SPINT2: variants seen among roughly 807,000 people sequenced by gnomAD.
The protein encoded by SPINT2 is kunitz-type protease inhibitor 2.
SPINT2 carries 18 observed loss-of-function variants against 30.1 expected under a neutral mutation model. The observed-to-expected ratio is 0.60, with a 90% CI of 0.41 to 0.89. The LOEUF (loss-of-function observed/expected upper bound fraction) is 0.89. Among genes scored for constraint, SPINT2 ranks in the 40% least tolerant of loss-of-function variants. The pLI, the probability that SPINT2 is intolerant of heterozygous loss-of-function variation, is 0.00. For synonymous variants in SPINT2, 139 were observed against 137.9 expected (o/e 1.01, Z -0.05); for missense variants, 276 against 334.3 (o/e 0.83, Z 1.36).
At chr19:38,291,548 A>G in intron 6 of SPINT2, 1 of 396,364 alleles carries the variant, frequency 2.5e-6, no homozygotes, top group Non-Finnish European at 4.7e-6. Flanking sequence ...TTGCCCTGAG[A>G]GTTGGGTTTT....
intron 1 of SPINT2, among the ~76,000 whole-genome samples, chr19:38,276,246 G>A (rs1237410641): frequency 6.6e-6 from 1 of 152,186 alleles, no homozygotes; most frequent in Non-Finnish European, 1.5e-5. Flanking sequence ...TTCCTGTCCT[G>A]CACGTGGTGA....
intron 1 of SPINT2, among the ~76,000 whole-genome samples, chr19:38,269,331 G>GTTGATTC (rs1968420448): frequency 6.8e-6 from 1 of 146,464 alleles, no homozygotes; most frequent in Admixed American, 6.8e-5. Context: ...AAGGTCCTTT[G>GTTGATTC]TTGATTCTTC....
In SPINT2 at chr19:38,267,174, G is replaced by A. The variant is rs531368351; in HGVS notation, c.106+2176G>A. On this transcript the variant is annotated intron_variant, in intron 1 of 6. Coordinates refer to ENST00000301244, the MANE Select transcript of SPINT2 (RefSeq NM_021102.4). ...GACTGGACCTACTGACCTTTCAGAAGTACTAGTGTCTGACTGGGTGAACTC... is the reference window on the plus strand; with the variant it reads ...GACTGGACCTACTGACCTTTCAGAAATACTAGTGTCTGACTGGGTGAACTC... Among the ~76,000 whole-genome samples, 4 of 152,330 alleles carry A rather than the reference G, an allele frequency of 2.6e-5. No homozygotes were observed. The South Asian group carries it at 8.3e-4, about 32-fold the overall frequency.
At chr19:38,286,705 C>G (rs1263567356) in intron 2 of SPINT2, among the ~76,000 whole-genome samples, 1 of 152,138 alleles carries the variant, frequency 6.6e-6, no homozygotes, top group East Asian at 1.9e-4. Context: ...ATGGTGTGAA[C>G]CCGGGAGGTG....
intron 1 of SPINT2, among the ~76,000 whole-genome samples, chr19:38,281,187 C>T (rs1190512662): frequency 6.6e-6 from 1 of 152,104 alleles, no homozygotes; most frequent in Non-Finnish European, 1.5e-5. Context: ...GTTTTGTGAC[C>T]TTTGGCATAT....
chr19:38,283,664 G>T lies in SPINT2; in HGVS notation c.144G>T (p.Arg48=), dbSNP rs1421428605. Residue 48 remains arginine, a synonymous_variant, in exon 2 of 7, where the codon CGG becomes CGT. Transcript: ENST00000301244. The part of the protein sequence containing the change: ...CLVSKVVGRC[R]ASMPRWWYNV... ...TGTCGAAGGTGGTGGGCAGATGCCGGGCCTCCATGCCTAGGTGGTGGTACA... is the reference window on the plus strand; with the variant it reads ...TGTCGAAGGTGGTGGGCAGATGCCGTGCCTCCATGCCTAGGTGGTGGTACA... The T allele has an allele frequency of 3.1e-6, 5 of 1,614,002 alleles. No individual in the cohort carries two copies. The East Asian group carries it at 1.1e-4, about 36-fold the overall frequency.
At chr19:38,281,087 G>T (rs982050747) in intron 1 of SPINT2, among the ~76,000 whole-genome samples, 20 of 152,110 alleles carry the variant, frequency 1.3e-4, no homozygotes, top group African/African-American at 4.8e-4. Flanking sequence ...CGTCTTGTTG[G>T]TGGCAGTGTT....
intron 1 of SPINT2, among the ~76,000 whole-genome samples, chr19:38,278,453 G>A (rs1247836576): frequency 1.3e-5 from 2 of 152,200 alleles, no homozygotes; most frequent in Non-Finnish European, 1.5e-5. Flanking sequence ...ATTATTACGT[G>A]ATTCACAGTT....
At chr19:38,265,184 C>A (rs1968363416) in intron 1 of SPINT2, among the ~76,000 whole-genome samples, 186 bp downstream of exon 1, 1 of 152,106 alleles carries the variant, frequency 6.6e-6, no homozygotes, top group Admixed American at 6.6e-5. Context: ...CCTTCGACAG[C>A]GAAGACGGGC....
chr19:38,266,752 C>G (rs1305823961), intron 1 of SPINT2, among the ~76,000 whole-genome samples: 1 of 151,778 alleles, frequency 6.6e-6, no homozygotes, highest in Non-Finnish European at 1.5e-5. Flanking sequence ...GTTAATTTCT[C>G]TGTGCCCTAG....
At position 38,290,788 on chromosome 19, in the gene SPINT2, C is replaced by T; in HGVS notation, c.592+213C>T. On this transcript the variant is annotated intron_variant, in intron 6 of 6. Transcript: ENST00000301244. This position sits in a 1 kb window ranked among gnomAD's most constrained non-coding sequence, Gnocchi z 4.3. ...TGGAGTGAGTCAGTCACAAGGCAGG[C>T]CCTGCCCAGGCGGCGTGGGTGACTG... The T allele has an allele frequency of 1.4e-6, 1 of 702,028 alleles. No homozygotes were observed. Among genetic ancestry groups the T allele is most frequent in the Non-Finnish European group, 2.4e-6 (1 of 409,910 alleles). 43.5% of individuals were successfully genotyped at this position (702,028 alleles called of 1,614,324 possible). A position where few individuals can be genotyped will look rare whatever the true frequency, so the allele number is the denominator to read the frequency against.
chr19:38,288,415 T>C (rs1029143450), intron 3 of SPINT2: 43 of 282,968 alleles, frequency 1.5e-4, no homozygotes, highest in African/African-American at 9.2e-4. Context: ...TCAAGATGTG[T>C]GTTAGCTTGC....
intron 1 of SPINT2, among the ~76,000 whole-genome samples, chr19:38,276,175 T>G (rs1404788824): frequency 6.6e-6 from 1 of 152,184 alleles, no homozygotes; most frequent in Non-Finnish European, 1.5e-5. Flanking sequence ...ACCCTTGTTC[T>G]AGAAAAAACA....
chr19:38,280,860 AG>A (rs1451577452), intron 1 of SPINT2, among the ~76,000 whole-genome samples: 1 of 152,134 alleles, frequency 6.6e-6, no homozygotes, highest in African/African-American at 2.4e-5. Context: ...CACCCATTTA[AG>A]GTGTACAATA....
intron 1 of SPINT2, among the ~76,000 whole-genome samples, chr19:38,271,846 T>G (rs1431098215): frequency 6.6e-6 from 1 of 151,194 alleles, no homozygotes; most frequent in South Asian, 2.1e-4. Flanking sequence ...AGAATTCACA[T>G]GTTGTTTTAC....
chr19:38,265,031 C>T (rs1338346139), intron 1 of SPINT2, 33 bp downstream of exon 1: 22 of 1,390,132 alleles, frequency 1.6e-5, no homozygotes, highest in Middle Eastern at 2.3e-4. Flanking sequence ...GGAGGCGGGG[C>T]GCAGGGGGCA....
rs1243094494 is a variant in SPINT2 at position 38,265,491 on chromosome 19, T to C, written c.106+493T>C. ...GAGCCTCCCCTGAAGTTTTTGTAGT[T>C]GAGTTGCAGTAAAGTAGGTGCCCGA... On this transcript the variant is annotated intron_variant, in intron 1 of 6. Transcript: ENST00000301244. 8.5e-5 allele frequency: 13 copies of C among 152,776 alleles called. No homozygotes were observed. The South Asian group carries it at 2.6e-3, about 31-fold the overall frequency. 9.5% of individuals were successfully genotyped at this position (152,776 alleles called of 1,614,324 possible).
intron 6 of SPINT2, 138 bp from the exon 7 acceptor site, chr19:38,291,702 C>A: frequency 9.3e-7 from 1 of 1,071,188 alleles, no homozygotes; most frequent in Non-Finnish European, 1.3e-6. Flanking sequence ...AGCTGCAGTT[C>A]TGGACCCTGT....
Position 38,264,892 on chromosome 19 carries a change from C to T in SPINT2, c.-1C>T. The T allele has an allele frequency of 6.5e-7, 1 of 1,534,406 alleles. No individual in the cohort carries two copies. The highest frequency in any genetic ancestry group is 8.7e-7 in the Non-Finnish European group (1 of 1,145,774). ...GCCTGCGCGTCTCGGCTGAGCTGGC[C>T]ATGGCGCAGCTGTGCGGGCTGAGGC... On this transcript the variant is annotated 5_prime_UTR_variant, in exon 1 of 7. Transcript: ENST00000301244.
Sources: gnomAD v4.1 joint callset for allele counts (sites outside exome capture counted in the v4.1 genomes callset) on GRCh38, gnomAD v4.1.1 for gene constraint, Gnocchi (gnomAD v3.1) non-coding constraint, MANE v1.5 for transcripts, NCBI Gene and HGNC (gene_info 2026-07-23, HGNC 2026-07-21) for gene names.